Variants in KLHL26 observed in about 807,000 individuals in gnomAD.
KLHL26 encodes kelch-like protein 26.
KLHL26 carries 4 observed loss-of-function variants against 7.1 expected under a neutral mutation model. The observed-to-expected ratio is 0.56, with a 90% CI of 0.28 to 1.28. The LOEUF (loss-of-function observed/expected upper bound fraction) is 1.28, where lower values mean the gene tolerates loss of function less well. KLHL26 is among the 50% of genes most tolerant of loss of function. The pLI is 0.11. For synonymous variants in KLHL26, 465 were observed against 414.1 expected (o/e 1.12, Z -1.49); for missense variants, 896 against 924.6 (o/e 0.97, Z 0.40).
At chr19:18,643,693 G>A (rs1172917361) in intron 1 of KLHL26, among the ~76,000 whole-genome samples, 8 of 151,934 alleles carry the variant, frequency 5.3e-5, no homozygotes, top group Admixed American at 3.9e-4. Context: ...GGTCAGGCTG[G>A]TCTCGAACTC....
chr19:18,668,456 C>T lies in KLHL26; in HGVS notation c.1059C>T (p.His353=), dbSNP rs2052481464. Reference sequence around the variant, plus strand: ...CGGAGATGGAGGTAGGCTGCAGCCACACGTGCGTGGCCGTGCTGGACAATT... The same window carrying T: ...CGGAGATGGAGGTAGGCTGCAGCCATACGTGCGTGGCCGTGCTGGACAATT... ...ELTEMEVGCS[H]TCVAVLDNFV... is the part of the protein sequence containing the mutation. The change falls in exon 3 of 3, where the codon CAC becomes CAT. Residue 353 remains histidine (H), a synonymous_variant. Transcript: ENST00000300976. 6.2e-7 allele frequency: 1 copy of T among 1,611,128 alleles called. No homozygotes were observed. Among genetic ancestry groups the T allele is most frequent in the Non-Finnish European group, 8.5e-7 (1 of 1,179,666 alleles).
chr19:18,666,954 C>G (rs1458327477), intron 2 of KLHL26, among the ~76,000 whole-genome samples: 1 of 152,198 alleles, frequency 6.6e-6, no homozygotes, highest in Non-Finnish European at 1.5e-5. Context: ...TCTCATCCTG[C>G]ACTGCCATAC....
At chr19:18,645,155 C>A (rs1398129819) in intron 1 of KLHL26, among the ~76,000 whole-genome samples, 1 of 152,136 alleles carries the variant, frequency 6.6e-6, no homozygotes, top group African/African-American at 2.4e-5. Context: ...GGGGTCCTTG[C>A]TGCAAGCACA....
chr19:18,668,178 C>CTGG lies in KLHL26; in HGVS notation c.785_787dup (p.Val262dup). 2 of 1,610,792 alleles carry CTGG rather than the reference C, an allele frequency of 1.2e-6. No individual in the cohort carries two copies. The highest frequency in any genetic ancestry group is 1.7e-6 in the Non-Finnish European group (2 of 1,179,804). ...CTTCCCGCTCATGCAGTCGTCCGAG[C>CTGG]TGGTGGACAGCGTGCAGACGCTGGA... On this transcript the variant is annotated inframe_insertion, in exon 3 of 3. Transcript: ENST00000300976.
chr19:18,638,860 T>C (rs1481765880), intron 1 of KLHL26, among the ~76,000 whole-genome samples: 53 of 148,752 alleles, frequency 3.6e-4, no homozygotes, highest in African/African-American at 1.2e-3. Context: ...ACCACCACAC[T>C]TGGCTAATTT....
Position 18,637,086 on chromosome 19 carries a change from C to CTGG in KLHL26, c.36_38dup (p.Gly15dup). The CTGG allele has an allele frequency of 1.4e-6, 2 of 1,385,878 alleles. No individual in the cohort carries two copies. The highest frequency in any genetic ancestry group is 1.9e-6 in the Non-Finnish European group (2 of 1,069,010). The allele number at this position is 1,385,878 out of a possible 1,614,324, so 85.8% of individuals were successfully genotyped here. ...GAGTCCGGCGGTAGCAGCGGTGGTG[C>CTGG]TGGTGGCGGCGGCGCTTTCGGCGCG... On this transcript the variant is annotated inframe_insertion, in exon 1 of 3. Transcript: ENST00000300976.
chr19:18,654,439 C>G (rs2052305265), intron 1 of KLHL26, among the ~76,000 whole-genome samples: 1 of 150,048 alleles, frequency 6.7e-6, no homozygotes, highest in African/African-American at 2.5e-5. Flanking sequence ...ATCCATCCAC[C>G]AACCCACCAT....
In KLHL26 at chr19:18,656,029, GCCT is replaced by G. The variant is rs1391786740; in HGVS notation, c.84-8228_84-8226del. Reference sequence around the variant, plus strand: ...CATCATCCACCCACCCATGCCTCCAGCCTCCTTCCTCATCTAGAACACCCCCAT... The same window carrying G: ...CATCATCCACCCACCCATGCCTCCAGCCTTCCTCATCTAGAACACCCCCAT... On this transcript the variant is annotated intron_variant, in intron 1 of 2. Coordinates refer to ENST00000300976, the MANE Select transcript of KLHL26 (RefSeq NM_018316.3). This position sits in a 1 kb window ranked among gnomAD's most constrained non-coding sequence, Gnocchi z 4.4. Among the ~76,000 whole-genome samples, 1 of 152,144 alleles carries G rather than the reference GCCT, an allele frequency of 6.6e-6. No homozygotes were observed. Among genetic ancestry groups the G allele is most frequent in the Non-Finnish European group, 1.5e-5 (1 of 68,022 alleles).
At chr19:18,641,774 G>A (rs574614909) in intron 1 of KLHL26, among the ~76,000 whole-genome samples, 6 of 151,162 alleles carry the variant, frequency 4.0e-5, no homozygotes, top group African/African-American at 9.7e-5. Context: ...GATTACAGGC[G>A]TGTGCCACCA....
At chr19:18,642,321 A>G (rs370524607) in intron 1 of KLHL26, among the ~76,000 whole-genome samples, 2 of 143,886 alleles carry the variant, frequency 1.4e-5, no homozygotes, top group East Asian at 4.3e-4. Flanking sequence ...TCCCCAGGAC[A>G]CTTTTGCTAG....
At chr19:18,647,452 C>G (rs1038929388) in intron 1 of KLHL26, among the ~76,000 whole-genome samples, 6 of 151,876 alleles carry the variant, frequency 4.0e-5, no homozygotes, top group African/African-American at 7.3e-5. Context: ...TTTCCTTTTT[C>G]TGATATTTGT....
intron 2 of KLHL26, among the ~76,000 whole-genome samples, chr19:18,664,826 T>C (rs2052430975): frequency 6.6e-6 from 1 of 151,976 alleles, no homozygotes; most frequent in Admixed American, 6.5e-5. Context: ...CTTCGTGATC[T>C]GCCTGCCTTG....
chr19:18,656,542 C>T lies in KLHL26; in HGVS notation c.84-7719C>T, dbSNP rs1451709844. ...CCCAGCAGGCACAGACAGGCTGAAGCCAAGGACAGACAGGCAGGGAATGGC... is the reference window on the plus strand; with the variant it reads ...CCCAGCAGGCACAGACAGGCTGAAGTCAAGGACAGACAGGCAGGGAATGGC... On this transcript the variant is annotated intron_variant, in intron 1 of 2. Transcript: ENST00000300976. The surrounding 1 kb of genome is among the most constrained non-coding windows in gnomAD (Gnocchi z 4.4). Among the ~76,000 whole-genome samples, 1 of 152,124 alleles carries T rather than the reference C, an allele frequency of 6.6e-6. No homozygotes were observed. The highest frequency in any genetic ancestry group is 1.5e-5 in the Non-Finnish European group (1 of 68,010).
In KLHL26 at chr19:18,668,041, G is replaced by A. The variant is rs1029423737; in HGVS notation, c.644G>A (p.Ser215Asn). The A allele has an allele frequency of 1.2e-6, 2 of 1,608,072 alleles. No individual in the cohort carries two copies. The highest frequency in any genetic ancestry group is 2.7e-5 in the African/African-American group (2 of 74,932). Residue 215 changes from serine to asparagine, a missense_variant, in exon 3 of 3, where the codon AGC (serine) becomes AAC (asparagine). Coordinates refer to ENST00000300976, the MANE Select transcript of KLHL26 (RefSeq NM_018316.3). ...GAGCGCCTGGTCTTCTTCCTGCAGA[G>A]CAACCGGCTGCAGAGCTGTGCCGAG... ...PLERLVFFLQ[S>N]NRLQSCAEID...
intron 1 of KLHL26, among the ~76,000 whole-genome samples, chr19:18,661,480 A>C (rs1441973337): frequency 6.6e-6 from 1 of 151,968 alleles, no homozygotes; most frequent in Non-Finnish European, 1.5e-5. Context: ...TGGCACTTTG[A>C]GCCCAAATAG....
At chr19:18,647,108 G>A (rs1159228587) in intron 1 of KLHL26, among the ~76,000 whole-genome samples, 1 of 152,208 alleles carries the variant, frequency 6.6e-6, no homozygotes, top group Non-Finnish European at 1.5e-5. Flanking sequence ...TGGGAAGGAG[G>A]CCACCCTCTC....
rs1466271072 is a variant in KLHL26, at chr19:18,671,211, TG to T, written c.*1967del. 1.3e-5 allele frequency: 2 copies of T among 152,212 alleles called. No homozygotes were observed. The highest frequency in any genetic ancestry group is 3.9e-4 in the East Asian group (2 of 5,190). 9.4% of individuals were successfully genotyped at this position (152,212 alleles called of 1,614,324 possible). Reference sequence around the variant, plus strand: ...ATCTCCATAAGTTGCTGTGCCTGCATGCCTGGCGCTCCTGTGTGGCAGCCAT... The same window carrying T: ...ATCTCCATAAGTTGCTGTGCCTGCATCCTGGCGCTCCTGTGTGGCAGCCAT... On this transcript the variant is annotated 3_prime_UTR_variant, in exon 3 of 3. Transcript: ENST00000300976.
rs552514230 is a variant in KLHL26 at position 18,650,848 on chromosome 19, G to A, written c.84-13413G>A. Among the ~76,000 whole-genome samples the A allele has an allele frequency of 1.1e-4, 16 of 152,256 alleles. No individual in the cohort carries two copies. The highest frequency in any genetic ancestry group is 1.8e-4 in the Non-Finnish European group (12 of 68,002). ...GGCGGGGCTGCGGCTGGGGATGGCC[G>A]CCGCCCACTCGCCCTCAGAATGGCC... On this transcript the variant is annotated intron_variant, in intron 1 of 2. Transcript: ENST00000300976. The surrounding 1 kb of genome is among the most constrained non-coding windows in gnomAD (Gnocchi z 4.2).
rs539291479 is a variant in KLHL26 at position 18,644,976 on chromosome 19, C to T, written c.83+7839C>T. Among the ~76,000 whole-genome samples, 12 of 152,270 alleles carry T rather than the reference C, an allele frequency of 7.9e-5. No individual in the cohort carries two copies. The South Asian group carries it at 2.3e-3, about 29-fold the overall frequency. On this transcript the variant is annotated intron_variant, in intron 1 of 2. Transcript: ENST00000300976. ...ACTTGTTTGTTCCAACTTCTGTCTT[C>T]TGCAACCGAGGGGGAAAAAAGAAAG...
Sources: gnomAD v4.1 joint callset for allele counts (sites outside exome capture counted in the v4.1 genomes callset) on GRCh38, gnomAD v4.1.1 for gene constraint, Gnocchi (gnomAD v3.1) non-coding constraint, MANE v1.5 for transcripts, NCBI Gene and HGNC (gene_info 2026-07-23, HGNC 2026-07-21) for gene names.